EML5: variants seen among roughly 807,000 people sequenced by gnomAD.
EML5 encodes the protein echinoderm microtubule-associated protein-like 5.
EML5 carries 120 observed loss-of-function variants against 250.0 expected under a neutral mutation model. The ratio of observed to expected loss-of-function variants is 0.48; its 90% confidence interval spans 0.41 to 0.56. EML5 has a LOEUF of 0.56. Among genes scored for constraint, EML5 ranks in the 20% least tolerant of loss-of-function variants. The pLI, the probability that EML5 is intolerant of heterozygous loss-of-function variation, is 0.00. For missense variants in EML5, 2,006 were observed against 2,437.6 expected, an observed-to-expected ratio of 0.82 and a Z score of 3.73; for synonymous variants, 771 against 806.5, an observed-to-expected ratio of 0.96 and a Z score of 0.75.
At chr14:88,725,394 A>T (rs1268527064) in intron 8 of EML5, among the ~76,000 whole-genome samples, 1 of 152,200 alleles carries the variant, frequency 6.6e-6, no homozygotes, top group African/African-American at 2.4e-5. Flanking sequence ...GAGGCTCAGA[A>T]GTACAAGAAA....
intron 2 of EML5, among the ~76,000 whole-genome samples, chr14:88,753,914 G>A (rs972491172): frequency 6.6e-6 from 1 of 152,020 alleles, no homozygotes; most frequent in African/African-American, 2.4e-5. Context: ...CAACACTGGA[G>A]GATAGCTTAA....
intron 36 of EML5, 70 bp downstream of exon 36, chr14:88,624,900 G>C: frequency 3.9e-6 from 6 of 1,556,080 alleles, no homozygotes; most frequent in Non-Finnish European, 5.2e-6. Flanking sequence ...GAAACAACTA[G>C]AATAATTAAC....
At chr14:88,770,007 C>T (rs2094371599) in intron 1 of EML5, among the ~76,000 whole-genome samples, 1 of 149,178 alleles carries the variant, frequency 6.7e-6, no homozygotes, top group Non-Finnish European at 1.5e-5. Flanking sequence ...AGTTAAGATA[C>T]TGTTAAGACA....
intron 1 of EML5, among the ~76,000 whole-genome samples, chr14:88,769,966 G>GT (rs79797316): frequency 0.24 from 33,726 of 139,432 alleles, 3,939 homozygotes; most frequent in East Asian, 0.4. Context: ...ATTATGTGCA[G>GT]TTTTTTTTTT....
At chr14:88,727,695 G>A (rs1459454232) in intron 7 of EML5, among the ~76,000 whole-genome samples, 1 of 152,122 alleles carries the variant, frequency 6.6e-6, no homozygotes, top group African/African-American at 2.4e-5. Context: ...ACCGCACCCA[G>A]CCAATACAAT....
chr14:88,704,032 T>A (rs545575633), intron 13 of EML5, among the ~76,000 whole-genome samples: 1 of 152,286 alleles, frequency 6.6e-6, no homozygotes, highest in South Asian at 2.1e-4. Flanking sequence ...CAGAACCTTG[T>A]AAGGTAGGTA....
rs748828628 is a variant in EML5 at position 88,736,536 on chromosome 14, C to A, written c.877G>T (p.Gly293Cys). ...GLSVRSVCWR[G>C]DHILVGTQDS... ...TGTGTTCCAACTAGAATGTGGTCAC[C>A]TCGCCAACACACACTCCTTACAGAC... Residue 293 changes from glycine to cysteine, a missense_variant, in exon 7 of 44, where the codon GGT becomes TGT. By Grantham distance (159) the Gly-to-Cys change is radical. Transcript: ENST00000554922. 2.5e-6 allele frequency: 4 copies of A among 1,613,716 alleles called. No homozygotes were observed. In the African/African-American group the frequency reaches 5.3e-5, roughly 22 times the overall value.
Position 88,717,555 on chromosome 14 carries a change from A to G in EML5, c.1188-2360T>C, listed in dbSNP as rs186521507. On this transcript the variant is annotated intron_variant, in intron 8 of 43. Transcript: ENST00000554922. ...GGGCAGATCACAAGATCAGAGAGAG[A>G]CCATCCTGGCTAACACGGTGAAACC... is the stretch of plus-strand genomic sequence containing the variant. Among the ~76,000 whole-genome samples, 7 of 152,184 alleles carry G rather than the reference A, an allele frequency of 4.6e-5. No homozygotes were observed. In the East Asian group the frequency reaches 1.4e-3, roughly 29 times the overall value.
intron 2 of EML5, among the ~76,000 whole-genome samples, chr14:88,750,135 T>C (rs540615671): frequency 4.7e-4 from 72 of 152,290 alleles, no homozygotes; most frequent in African/African-American, 1.7e-3. Flanking sequence ...TCACTTACTA[T>C]AGACAGCTTA....
chr14:88,767,566 G>T (rs1251276570), intron 1 of EML5, among the ~76,000 whole-genome samples: 1 of 152,108 alleles, frequency 6.6e-6, no homozygotes. Flanking sequence ...TTGTTACACT[G>T]TAAGAGTTCT....
chr14:88,700,307 TA>T lies in EML5; in HGVS notation c.2238+2138del, dbSNP rs201348611. Reference sequence around the variant, plus strand: ...TTTTTCATCTAAATTTCTTTTTTTTTAAATTGTTTTATTTGGGAAAAGTGCT... The same window carrying T: ...TTTTTCATCTAAATTTCTTTTTTTTTAATTGTTTTATTTGGGAAAAGTGCT... On this transcript the variant is annotated intron_variant, in intron 14 of 43. Transcript: ENST00000554922. Among the ~76,000 whole-genome samples the T allele has an allele frequency of 1.4e-4, 21 of 152,246 alleles. 1 individual carries two copies. Among genetic ancestry groups the T allele is most frequent in the African/African-American group, 2.4e-4 (10 of 41,544 alleles).
chr14:88,722,826 G>A (rs947370317), intron 8 of EML5, among the ~76,000 whole-genome samples: 13 of 152,044 alleles, frequency 8.6e-5, no homozygotes, highest in African/African-American at 3.1e-4. Context: ...TGGGTTGATA[G>A]GTGCAGCAAA....
chr14:88,675,544 T>C (rs1024149743), intron 21 of EML5, among the ~76,000 whole-genome samples: 1 of 152,158 alleles, frequency 6.6e-6, no homozygotes, highest in Non-Finnish European at 1.5e-5. Context: ...AACCATCTTT[T>C]CCTCCTAGGC....
intron 35 of EML5, 119 bp downstream of exon 35, chr14:88,626,719 G>A (rs1376529966): frequency 1.0e-6 from 1 of 977,262 alleles, no homozygotes; most frequent in African/African-American, 1.6e-5. Context: ...TGCTTGACCA[G>A]GGCATGTAAT....
chr14:88,697,260 G>A (rs2093100440), intron 14 of EML5, among the ~76,000 whole-genome samples: 1 of 152,014 alleles, frequency 6.6e-6, no homozygotes, highest in Non-Finnish European at 1.5e-5. Flanking sequence ...TAGATACAAC[G>A]AGCAATAAGA....
chr14:88,712,817 T>C (rs1039938324), intron 9 of EML5, among the ~76,000 whole-genome samples: 3 of 151,904 alleles, frequency 2.0e-5, no homozygotes, highest in African/African-American at 7.3e-5. Context: ...ATAAAAAAGG[T>C]AAAAGCTATG....
intron 21 of EML5, among the ~76,000 whole-genome samples, chr14:88,674,530 C>T (rs1247089460): frequency 1.3e-5 from 2 of 152,098 alleles, no homozygotes; most frequent in East Asian, 3.9e-4. Flanking sequence ...AAGACCCGCC[C>T]CCATGATTCA....
At chr14:88,676,572 A>G (rs1429299174) in intron 21 of EML5, among the ~76,000 whole-genome samples, 5 of 152,252 alleles carry the variant, frequency 3.3e-5, no homozygotes, top group Non-Finnish European at 7.3e-5. Flanking sequence ...TAATTTATAG[A>G]TTCAATGCTA....
At position 88,792,327 on chromosome 14, in the gene EML5, G is replaced by A. The variant is rs999947824; in HGVS notation, c.177C>T (p.Gly59=). ...PREHRQKFYR[G]HSDDIISLAL... is the part of the protein sequence containing the mutation. ...GGTACCTGATGATGTCGTCGCTGTG[G>A]CCCCGGTAGAACTTCTGCCTGTGCT... is the stretch of plus-strand genomic sequence containing the variant. The change falls in exon 1 of 44, where the codon GGC becomes GGT. Residue 59 remains glycine (G), a synonymous_variant. Transcript: ENST00000554922. This position sits in a 1 kb window ranked among gnomAD's most constrained non-coding sequence, Gnocchi z 6.9. The A allele has an allele frequency of 1.3e-6, 2 of 1,561,250 alleles. No individual in the cohort carries two copies. Among genetic ancestry groups the A allele is most frequent in the African/African-American group, 2.7e-5 (2 of 73,282 alleles).
Sources: gnomAD v4.1 joint callset for allele counts (sites outside exome capture counted in the v4.1 genomes callset) on GRCh38, gnomAD v4.1.1 for gene constraint, Gnocchi (gnomAD v3.1) non-coding constraint, MANE v1.5 for transcripts, NCBI Gene and HGNC (gene_info 2026-07-23, HGNC 2026-07-21) for gene names.